Variants in IL15 observed in about 807,000 individuals in gnomAD.
IL15 encodes the protein interleukin-15.
In IL15, 11 loss-of-function variants were observed where a neutral mutation model predicts 19.6. That is an observed-to-expected ratio of 0.56 (90% CI 0.35 to 0.93). The LOEUF is 0.93. Ranked by LOEUF, IL15 falls within the 40% of genes least tolerant of loss-of-function variation. The probability of loss-of-function intolerance (pLI) is 0.01; values close to 1 mark genes in which losing one functional copy is unlikely to be tolerated. For synonymous variants in IL15, 58 were observed against 59.6 expected (o/e 0.97, Z 0.12); for missense variants, 197 against 186.5 (o/e 1.06, Z -0.33).
chr4:141,646,871 T>A (rs1027870860), intron 1 of IL15, among the ~76,000 whole-genome samples: 5 of 152,120 alleles, frequency 3.3e-5, no homozygotes, highest in Non-Finnish European at 7.4e-5. Flanking sequence ...GCAGTTTTGT[T>A]ATTTTATTCA....
intron 2 of IL15, chr4:141,688,679 T>C (rs1433453348): frequency 6.6e-6 from 1 of 152,248 alleles, no homozygotes; most frequent in Non-Finnish European, 1.5e-5. Flanking sequence ...TATATATCTC[T>C]AGTTCTGCCA....
At chr4:141,650,754 C>T (rs1426697659) in intron 1 of IL15, among the ~76,000 whole-genome samples, 1 of 152,010 alleles carries the variant, frequency 6.6e-6, no homozygotes, top group Non-Finnish European at 1.5e-5. Context: ...GATTTTCAAC[C>T]TGTCATCTTT....
intron 2 of IL15, among the ~76,000 whole-genome samples, chr4:141,702,272 C>A (rs1011764745): frequency 1.3e-5 from 2 of 152,166 alleles, no homozygotes; most frequent in African/African-American, 4.8e-5. Context: ...CTCTCCCTTC[C>A]CCTAAAAATG....
intron 2 of IL15, among the ~76,000 whole-genome samples, chr4:141,661,519 T>A (rs1411029894): frequency 6.6e-6 from 1 of 152,112 alleles, no homozygotes; most frequent in African/African-American, 2.4e-5. Flanking sequence ...CCAATGGACT[T>A]CACAAGGTGC....
chr4:141,687,500 C>T (rs1728748230), intron 2 of IL15, among the ~76,000 whole-genome samples: 1 of 152,196 alleles, frequency 6.6e-6, no homozygotes, highest in African/African-American at 2.4e-5. Flanking sequence ...CACACCTCCA[C>T]TAAAGGCCTG....
At chr4:141,702,916 G>A (rs904219837) in intron 2 of IL15, among the ~76,000 whole-genome samples, 5 of 152,292 alleles carry the variant, frequency 3.3e-5, no homozygotes, top group Admixed American at 2.6e-4. Flanking sequence ...ACTCCCCTTG[G>A]GTGGGGCCTG....
chr4:141,731,147 T>G (rs1730438592), intron 7 of IL15, among the ~76,000 whole-genome samples: 1 of 152,162 alleles, frequency 6.6e-6, no homozygotes, highest in South Asian at 2.1e-4. Flanking sequence ...TTGACTTTTC[T>G]CTAAAAATAC....
rs555842461 is a variant in IL15 at position 141,655,922 on chromosome 4, T to C, written c.-221-264T>C. On this transcript the variant is annotated intron_variant, in intron 1 of 7. Transcript: ENST00000320650. The stretch of plus-strand genomic sequence containing the variant: ...AGAGAGCTATATGAAGCATTATAGG[T>C]TTTAAAAAATGATATATGATTTTTT... Among the ~76,000 whole-genome samples, 3 of 152,330 alleles carry C rather than the reference T, an allele frequency of 2.0e-5. No individual in the cohort carries two copies. In the East Asian group the frequency reaches 5.8e-4, roughly 29 times the overall value.
chr4:141,683,975 A>G (rs1728626928), intron 2 of IL15, among the ~76,000 whole-genome samples: 1 of 152,212 alleles, frequency 6.6e-6, no homozygotes, highest in African/African-American at 2.4e-5. Context: ...CACAATATGA[A>G]TACTTGATAC....
At chr4:141,707,101 G>A (rs1234162474) in intron 2 of IL15, among the ~76,000 whole-genome samples, 4 of 151,838 alleles carry the variant, frequency 2.6e-5, no homozygotes, top group Non-Finnish European at 5.9e-5. Context: ...ATTCTCTTTT[G>A]TTCTTATTTC....
chr4:141,721,089 C>CCA (rs1373701589), intron 4 of IL15: 4 of 1,466,038 alleles, frequency 2.7e-6, no homozygotes, highest in Non-Finnish European at 3.7e-6. Flanking sequence ...TGGCCCAAAG[C>CCA]ACCTAACCTA....
chr4:141,692,104 C>G (rs909319224), intron 2 of IL15, among the ~76,000 whole-genome samples: 1 of 152,240 alleles, frequency 6.6e-6, no homozygotes, highest in Non-Finnish European at 1.5e-5. Context: ...GTGGAAACCA[C>G]CAAGGCTTGG....
At chr4:141,700,920 T>G (rs577163354) in intron 2 of IL15, among the ~76,000 whole-genome samples, 2 of 152,244 alleles carry the variant, frequency 1.3e-5, no homozygotes, top group Non-Finnish European at 2.9e-5. Flanking sequence ...TTGTTGAAAC[T>G]TTCCACTGCA....
intron 2 of IL15, among the ~76,000 whole-genome samples, chr4:141,699,178 G>C (rs534076802): frequency 6.6e-6 from 1 of 152,186 alleles, no homozygotes; most frequent in Non-Finnish European, 1.5e-5. Flanking sequence ...TTATTCTACT[G>C]TGGTCTGAGA....
intron 1 of IL15, among the ~76,000 whole-genome samples, chr4:141,642,355 C>T (rs138432156): frequency 1.3e-3 from 194 of 152,242 alleles, no homozygotes; most frequent in African/African-American, 4.4e-3. Flanking sequence ...GAAATTGGTT[C>T]CTTTAGAACC....
chr4:141,693,016 C>CAAAAAAA (rs70949131), intron 2 of IL15, among the ~76,000 whole-genome samples: 283 of 23,232 alleles, frequency 0.012, 66 homozygotes, highest in Admixed American at 0.061. Flanking sequence ...GACTCCGTCT[C>CAAAAAAA]AAAAAAAAAA....
In IL15 at chr4:141,731,269, T is replaced by C. The variant is rs114778922; in HGVS notation, c.378+1285T>C. On this transcript the variant is annotated intron_variant, in intron 7 of 7. Transcript: ENST00000320650. ...CCTGTCCCCTTCTCTGCGTGTCCCATATCTGGAATATGATATATTTTATGT... is the reference window on the plus strand; with the variant it reads ...CCTGTCCCCTTCTCTGCGTGTCCCACATCTGGAATATGATATATTTTATGT... 6.6e-3 allele frequency among the ~76,000 whole-genome samples: 1,009 copies of C among 152,280 alleles called. 13 individuals carry two copies. The highest frequency in any genetic ancestry group is 0.023 in the African/African-American group (947 of 41,556).
At chr4:141,656,452 C>A (rs1727601667) in intron 2 of IL15, 145 bp downstream of exon 2, 1 of 390,294 alleles carries the variant, frequency 2.6e-6, no homozygotes, top group Non-Finnish European at 4.5e-6. Flanking sequence ...AAAAAATATA[C>A]CCTTTGTTAT....
chr4:141,679,248 TA>T (rs1426834778), intron 2 of IL15, among the ~76,000 whole-genome samples: 2 of 152,256 alleles, frequency 1.3e-5, no homozygotes, highest in Non-Finnish European at 2.9e-5. Flanking sequence ...TCCACAGTTC[TA>T]TTATTTTAAA....
Sources: gnomAD v4.1 joint callset for allele counts (sites outside exome capture counted in the v4.1 genomes callset) on GRCh38, gnomAD v4.1.1 for gene constraint, MANE v1.5 for transcripts, NCBI Gene and HGNC (gene_info 2026-07-23, HGNC 2026-07-21) for gene names.